Variants in LNX2 observed in about 807,000 individuals in gnomAD.
The protein encoded by LNX2 is ligand of Numb protein X 2.
Under a neutral mutation model 66.2 loss-of-function variants are expected in LNX2, and 35 were observed. The observed-to-expected ratio is 0.53, with a 90% CI of 0.40 to 0.70. The LOEUF (loss-of-function observed/expected upper bound fraction) is 0.70, where lower values mean the gene tolerates loss of function less well. Among genes scored for constraint, LNX2 ranks in the 30% least tolerant of loss-of-function variants. LNX2 has a pLI of 0.00. For synonymous variants in LNX2, 337 were observed against 315.6 expected, an observed-to-expected ratio of 1.07 and a Z score of -0.72; for missense variants, 791 against 850.8, an observed-to-expected ratio of 0.93 and a Z score of 0.87.
At chr13:27,565,827 G>A (rs1955198900) in intron 4 of LNX2, among the ~76,000 whole-genome samples, 1 of 152,176 alleles carries the variant, frequency 6.6e-6, no homozygotes, top group Non-Finnish European at 1.5e-5. Context: ...CAGCATACAA[G>A]CGGGAGTGGA....
rs183720083 is a variant in LNX2, at chr13:27,559,038, T to C, written c.1368+804A>G. Among the ~76,000 whole-genome samples the C allele has an allele frequency of 1.2e-4, 19 of 152,266 alleles. 1 individual carries two copies. Among genetic ancestry groups the C allele is most frequent in the Admixed American group, 5.9e-4 (9 of 15,292 alleles). ...GTCACATTTAGCTTTTATTTTTGCA[T>C]AATTGGGTAAGCATAACATCATTGT... On this transcript the variant is annotated intron_variant, in intron 6 of 9. Transcript: ENST00000316334.
intron 7 of LNX2, among the ~76,000 whole-genome samples, chr13:27,553,754 T>C (rs1181757073): frequency 6.6e-6 from 1 of 152,208 alleles, no homozygotes; most frequent in Non-Finnish European, 1.5e-5. Context: ...GGCAGGTTCA[T>C]TTCTCTTCTT....
chr13:27,567,868 AAC>A lies in LNX2; in HGVS notation c.656-31_656-30del, dbSNP rs780742793. 109 of 1,579,514 alleles carry A rather than the reference AAC, an allele frequency of 6.9e-5. 1 individual carries two copies. The highest frequency in any genetic ancestry group is 5.0e-5 in the Admixed American group (3 of 59,860). On this transcript the variant is annotated intron_variant, in intron 3 of 9. Transcript: ENST00000316334. ...CCAAGTTAAAAATGAGACAGACAAA[AAC>A]AGATGTTAAAAAAATAAACAAACCC...
At chr13:27,575,346 A>C (rs981872104) in intron 2 of LNX2, among the ~76,000 whole-genome samples, 1 of 152,170 alleles carries the variant, frequency 6.6e-6, no homozygotes, top group African/African-American at 2.4e-5. Flanking sequence ...TGAGTGGGCC[A>C]TGGGGTATCC....
chr13:27,586,084 A>G (rs964577625), intron 1 of LNX2, among the ~76,000 whole-genome samples: 8 of 149,114 alleles, frequency 5.4e-5, no homozygotes, highest in African/African-American at 2.0e-4. Context: ...ATATATCTAT[A>G]TCTATATAAT....
chr13:27,588,736 A>T (rs1437043023), intron 1 of LNX2, among the ~76,000 whole-genome samples: 1 of 152,214 alleles, frequency 6.6e-6, no homozygotes, highest in African/African-American at 2.4e-5. Flanking sequence ...AAATTACTGA[A>T]GCTCCCAAAC....
intron 2 of LNX2, among the ~76,000 whole-genome samples, chr13:27,580,136 C>T (rs1004417663): frequency 6.6e-6 from 1 of 152,108 alleles, no homozygotes; most frequent in Non-Finnish European, 1.5e-5. Flanking sequence ...ATGTGTATTT[C>T]ATGTGCACAT....
rs576910515 is a variant in LNX2, at chr13:27,567,955, C to G, written c.656-116G>C. ...TGTCACATTAATACATGATTAACAG[C>G]TAAGCAGTATCACTGGATAAGAAAC... On this transcript the variant is annotated intron_variant, in intron 3 of 9. Transcript: ENST00000316334. 3.5e-4 allele frequency: 285 copies of G among 809,730 alleles called. No homozygotes were observed. The African/African-American group carries it at 4.4e-3, about 13-fold the overall frequency. The allele number at this position is 809,730 out of a possible 1,614,324, so 50.2% of individuals were successfully genotyped here. A position where few individuals can be genotyped will look rare whatever the true frequency, so the allele number is the denominator to read the frequency against.
intron 8 of LNX2, among the ~76,000 whole-genome samples, chr13:27,552,353 G>A (rs771113017): frequency 4.6e-5 from 7 of 152,176 alleles, no homozygotes; most frequent in Non-Finnish European, 8.8e-5. Context: ...TGCGCAAAGC[G>A]CCTTGAAGCA....
chr13:27,602,551 T>C (rs886386985), intron 1 of LNX2, among the ~76,000 whole-genome samples: 1 of 147,392 alleles, frequency 6.8e-6, no homozygotes, highest in Non-Finnish European at 1.5e-5. Flanking sequence ...ATATCAGTAG[T>C]CTGTTTCTTT....
intron 1 of LNX2, among the ~76,000 whole-genome samples, chr13:27,584,598 A>G (rs1955462520): frequency 6.6e-6 from 1 of 152,108 alleles, no homozygotes; most frequent in Non-Finnish European, 1.5e-5. Context: ...AGGCAGGAGG[A>G]CTGCTTGAGC....
intron 1 of LNX2, among the ~76,000 whole-genome samples, chr13:27,618,030 G>C (rs1319545411): frequency 1.3e-5 from 2 of 152,212 alleles, no homozygotes; most frequent in East Asian, 1.9e-4. Context: ...CCAAATGTTA[G>C]GAAATCAAAG....
intron 1 of LNX2, among the ~76,000 whole-genome samples, chr13:27,606,404 CAAA>C (rs1244721577): frequency 8.7e-6 from 1 of 114,358 alleles, no homozygotes. Context: ...GAGAAAAGCT[CAAA>C]AAAAAAAAAG....
intron 1 of LNX2, among the ~76,000 whole-genome samples, chr13:27,608,140 A>C (rs1193430110): frequency 1.3e-5 from 2 of 152,246 alleles, no homozygotes; most frequent in Non-Finnish European, 2.9e-5. Context: ...TGGGAAAAGA[A>C]GACATATATG....
chr13:27,587,629 A>C (rs1955502121), intron 1 of LNX2, among the ~76,000 whole-genome samples: 1 of 152,208 alleles, frequency 6.6e-6, no homozygotes, highest in African/African-American at 2.4e-5. Context: ...TTTAATCTAC[A>C]AAGGGGTAAG....
At chr13:27,609,842 A>G (rs1357119084) in intron 1 of LNX2, among the ~76,000 whole-genome samples, 1 of 152,236 alleles carries the variant, frequency 6.6e-6, no homozygotes, top group Non-Finnish European at 1.5e-5. Flanking sequence ...TCTTAATGTT[A>G]TCATACTCCA....
intron 4 of LNX2, among the ~76,000 whole-genome samples, chr13:27,567,166 T>C (rs1260252877): frequency 6.6e-6 from 1 of 152,098 alleles, no homozygotes; most frequent in East Asian, 1.9e-4. Flanking sequence ...TATCTTATAA[T>C]CTGTGGTATA....
At position 27,567,692 on chromosome 13, in the gene LNX2, T is replaced by A; in HGVS notation, c.803A>T (p.Asp268Val). The A allele has an allele frequency of 6.2e-7, 1 of 1,614,008 alleles. No homozygotes were observed. The highest frequency in any genetic ancestry group is 8.5e-7 in the Non-Finnish European group (1 of 1,179,952). ...INIVIQEVYR[D>V]GVIARDGRLL... ...TCTCCCGTCTCTGGCAATGACCCCA[T>A]CCCGATAGACCTCCTGGATGACAAT... The change falls in exon 4 of 10, where the codon GAT becomes GTT. Residue 268 changes from aspartate to valine, a missense_variant. Coordinates refer to ENST00000316334, the MANE Select transcript of LNX2 (RefSeq NM_153371.4).
rs931306420 is a variant in LNX2 at position 27,546,182 on chromosome 13, G to A, written c.*2153C>T. ...GATTCCAAGATTTCTATAAAAATGA[G>A]AGTGAAGAAATTTCTTCTTTCAAAA... On this transcript the variant is annotated 3_prime_UTR_variant, in exon 10 of 10. Coordinates refer to ENST00000316334, the MANE Select transcript of LNX2 (RefSeq NM_153371.4). 6.6e-6 allele frequency: 1 copy of A among 152,168 alleles called. No homozygotes were observed. Among genetic ancestry groups the A allele is most frequent in the South Asian group, 2.1e-4 (1 of 4,832 alleles). 9.4% of individuals were successfully genotyped at this position (152,168 alleles called of 1,614,324 possible). A position where few individuals can be genotyped will look rare whatever the true frequency, so the allele number is the denominator to read the frequency against.
Sources: allele counts gnomAD v4.1 joint callset (sites outside exome capture counted in the v4.1 genomes callset), GRCh38; gene constraint gnomAD v4.1.1; transcripts MANE v1.5; gene names NCBI Gene and HGNC (gene_info 2026-07-23, HGNC 2026-07-21).